Variants in CSMD1 observed in about 807,000 individuals in gnomAD.
The protein encoded by CSMD1 is CUB and sushi domain-containing protein 1.
CSMD1 carries 213 observed loss-of-function variants against 417.5 expected under a neutral mutation model. The ratio of observed to expected loss-of-function variants is 0.51; its 90% CI spans 0.46 to 0.57. The LOEUF is 0.57. Ranked by LOEUF, CSMD1 falls within the 20% of genes least tolerant of loss-of-function variation. The probability of loss-of-function intolerance (pLI) is 0.00; values close to 1 mark genes in which losing one functional copy is unlikely to be tolerated. For missense variants in CSMD1, 6,923 were observed against 4,529.7 expected (o/e 1.53, Z -15.17); for synonymous variants, 2,862 against 1,736.8 (o/e 1.65, Z -16.11).
At chr8:3,797,246 A>G (rs1800204274) in intron 5 of CSMD1, among the ~76,000 whole-genome samples, 1 of 151,960 alleles carries the variant, frequency 6.6e-6, no homozygotes, top group Non-Finnish European at 1.5e-5. Flanking sequence ...TTCAAACTCA[A>G]GTGGCTATAA....
intron 4 of CSMD1, among the ~76,000 whole-genome samples, chr8:4,015,313 C>T (rs1796467963): frequency 1.3e-5 from 2 of 152,146 alleles, no homozygotes; most frequent in South Asian, 4.1e-4. Flanking sequence ...CCATAAAAAG[C>T]ATGACTTCTC....
intron 2 of CSMD1, among the ~76,000 whole-genome samples, chr8:4,486,230 C>T (rs1193793117): frequency 7.3e-4 from 12 of 16,406 alleles, no homozygotes; most frequent in East Asian, 2.8e-3. Context: ...TATATACATA[C>T]ATATATATAT....
At chr8:3,284,699 A>G (rs912838923) in intron 25 of CSMD1, 2 of 254,624 alleles carry the variant, frequency 7.9e-6, no homozygotes, top group African/African-American at 4.5e-5. Flanking sequence ...TGGCATTGAC[A>G]GATGTGTTTG....
At chr8:4,202,585 A>G (rs981363677) in intron 3 of CSMD1, among the ~76,000 whole-genome samples, 1 of 152,234 alleles carries the variant, frequency 6.6e-6, no homozygotes, top group Admixed American at 6.5e-5. Context: ...CATTCAAAAA[A>G]GGTTACTTTC....
chr8:4,106,884 C>G (rs1456369799), intron 3 of CSMD1, among the ~76,000 whole-genome samples: 1 of 152,108 alleles, frequency 6.6e-6, no homozygotes, highest in Non-Finnish European at 1.5e-5. Context: ...CTCAAGTCAT[C>G]GTTAATATTT....
intron 37 of CSMD1, among the ~76,000 whole-genome samples, chr8:3,165,979 G>A (rs937420294): frequency 4.6e-5 from 7 of 152,024 alleles, no homozygotes; most frequent in Non-Finnish European, 2.9e-5. Flanking sequence ...GGGGACAGAA[G>A]GTCGTCTATT....
At chr8:4,282,074 C>A (rs953010708) in intron 3 of CSMD1, among the ~76,000 whole-genome samples, 1 of 152,122 alleles carries the variant, frequency 6.6e-6, no homozygotes. Flanking sequence ...TTGTAGCATC[C>A]AAGGGAAAAC....
intron 2 of CSMD1, among the ~76,000 whole-genome samples, chr8:4,515,114 T>C (rs749720161): frequency 6.6e-6 from 1 of 152,192 alleles, no homozygotes; most frequent in Non-Finnish European, 1.5e-5. Context: ...GCAGCTCCCT[T>C]GGAAAGGAAT....
At chr8:4,172,163 A>G (rs1169858419) in intron 3 of CSMD1, among the ~76,000 whole-genome samples, 1 of 152,166 alleles carries the variant, frequency 6.6e-6, no homozygotes, top group African/African-American at 2.4e-5. Context: ...ACCTAAGAGA[A>G]GTGTTTGTGC....
intron 5 of CSMD1, among the ~76,000 whole-genome samples, chr8:3,992,887 C>T (rs1175827370): frequency 6.6e-6 from 1 of 152,266 alleles, no homozygotes; most frequent in Non-Finnish European, 1.5e-5. Context: ...AACGATGTCA[C>T]TGCTTTTCCA....
chr8:3,001,253 C>T lies in CSMD1; in HGVS notation c.8030-1122G>A, dbSNP rs1807383334. Among the ~76,000 whole-genome samples the T allele has an allele frequency of 2.0e-5, 3 of 152,104 alleles. No homozygotes were observed. The South Asian group carries it at 6.2e-4, about 32-fold the overall frequency. On this transcript the variant is annotated intron_variant, in intron 52 of 69. Transcript: ENST00000635120. ...TTAAGCAATCCTCCTGCCTTGGCCTCCCAAAGTGCTGGGATGACAGGTGTG... is the reference window on the plus strand; with the variant it reads ...TTAAGCAATCCTCCTGCCTTGGCCTTCCAAAGTGCTGGGATGACAGGTGTG...
intron 1 of CSMD1, among the ~76,000 whole-genome samples, chr8:4,854,928 T>C (rs956873347): frequency 6.6e-6 from 1 of 152,206 alleles, no homozygotes; most frequent in Admixed American, 6.5e-5. Flanking sequence ...CAAGGAGGTC[T>C]GCCTGCCTCT....
At chr8:3,563,168 T>C (rs1233666031) in intron 10 of CSMD1, among the ~76,000 whole-genome samples, 8 of 152,098 alleles carry the variant, frequency 5.3e-5, no homozygotes, top group African/African-American at 1.9e-4. Context: ...TTTGGCACTG[T>C]GTGACTACGT....
chr8:3,120,684 T>A (rs1043234745), intron 41 of CSMD1, among the ~76,000 whole-genome samples: 4 of 143,466 alleles, frequency 2.8e-5, no homozygotes, highest in Non-Finnish European at 6.0e-5. Context: ...CTGTCTCTAC[T>A]AAAAATACAA....
At chr8:3,643,700 CAAAAAA>C (rs66500235) in intron 7 of CSMD1, among the ~76,000 whole-genome samples, 5 of 85,348 alleles carry the variant, frequency 5.9e-5, no homozygotes, top group African/African-American at 9.8e-5. Flanking sequence ...GACTCCGTCT[CAAAAAA>C]AAAAAAAAAA....
At chr8:3,306,853 C>G (rs1476631846) in intron 25 of CSMD1, among the ~76,000 whole-genome samples, 1 of 78,908 alleles carries the variant, frequency 1.3e-5, no homozygotes, top group Non-Finnish European at 2.8e-5. Flanking sequence ...ACAGAGCTTA[C>G]TTTAAAAATA....
At chr8:4,491,063 G>T (rs1801673055) in intron 2 of CSMD1, among the ~76,000 whole-genome samples, 1 of 152,114 alleles carries the variant, frequency 6.6e-6, no homozygotes, top group South Asian at 2.1e-4. Context: ...GCGGTCGCCT[G>T]CCAGGACCTA....
At chr8:2,969,620 A>G (rs1241992082) in intron 57 of CSMD1, among the ~76,000 whole-genome samples, 1 of 152,186 alleles carries the variant, frequency 6.6e-6, no homozygotes, top group Non-Finnish European at 1.5e-5. Flanking sequence ...GGTTTGCAAT[A>G]ATCTTAACTA....
chr8:4,516,619 C>T (rs947248352), intron 2 of CSMD1, among the ~76,000 whole-genome samples: 2 of 152,118 alleles, frequency 1.3e-5, no homozygotes, highest in African/African-American at 2.4e-5. Flanking sequence ...ATGCAAGCAT[C>T]GCCTGATAAA....
Sources: gnomAD v4.1 joint callset for allele counts (sites outside exome capture counted in the v4.1 genomes callset) on GRCh38, gnomAD v4.1.1 for gene constraint, MANE v1.5 for transcripts, NCBI Gene and HGNC (gene_info 2026-07-23, HGNC 2026-07-21) for gene names.